Variants in MYCBP2 observed in about 807,000 individuals in gnomAD.
MYCBP2 encodes MYC binding protein 2, also known as E3 ubiquitin-protein ligase MYCBP2.
In MYCBP2, 120 loss-of-function variants were observed where a neutral mutation model predicts 525.3. The ratio of observed to expected loss-of-function variants is 0.23; its 90% CI spans 0.20 to 0.27. MYCBP2 has a LOEUF of 0.27. Among genes scored for constraint, MYCBP2 ranks in the 10% least tolerant of loss-of-function variants. MYCBP2 has a pLI of 1.00. For missense variants in MYCBP2, 4,149 were observed against 5,657.1 expected (o/e 0.73, Z 8.55); for synonymous variants, 1,894 against 1,955.8 (o/e 0.97, Z 0.83).
intron 1 of MYCBP2, among the ~76,000 whole-genome samples, chr13:77,312,023 G>A (rs1267505499): frequency 1.3e-5 from 2 of 152,036 alleles, no homozygotes; most frequent in African/African-American, 4.8e-5. Context: ...ACCACACAGA[G>A]GGGAATAAGG....
intron 1 of MYCBP2, among the ~76,000 whole-genome samples, chr13:77,301,422 CAAAAAAAAAAA>C (rs11338423): frequency 0.067 from 2,713 of 40,562 alleles, 52 homozygotes; most frequent in Middle Eastern, 0.26. Context: ...GACTCCATCT[CAAAAAAAAAAA>C]AAAAAAAAAA....
chr13:77,224,138 T>C (rs1221660665), intron 20 of MYCBP2, among the ~76,000 whole-genome samples: 2 of 152,216 alleles, frequency 1.3e-5, no homozygotes, highest in Non-Finnish European at 2.9e-5. Context: ...ATTTTTCTAT[T>C]GCCATGCACA....
intron 56 of MYCBP2, 61 bp from the exon 57 acceptor site, chr13:77,096,542 T>C: frequency 6.5e-7 from 1 of 1,534,482 alleles, no homozygotes. Flanking sequence ...GTTTGATCCT[T>C]ATTACTCATA....
chr13:77,204,961 G>T (rs1593864316), intron 26 of MYCBP2, among the ~76,000 whole-genome samples: 1 of 150,912 alleles, frequency 6.6e-6, no homozygotes, highest in Non-Finnish European at 1.5e-5. Flanking sequence ...TGACAAGTTC[G>T]TGGGTGCAGC....
At chr13:77,289,903 G>GA (rs1465319098) in intron 2 of MYCBP2, among the ~76,000 whole-genome samples, 2 of 152,024 alleles carry the variant, frequency 1.3e-5, no homozygotes, top group Non-Finnish European at 2.9e-5. Context: ...ATGAACAACT[G>GA]AAAAAATGTA....
chr13:77,119,788 G>A (rs920047717), intron 55 of MYCBP2, among the ~76,000 whole-genome samples: 19 of 152,080 alleles, frequency 1.2e-4, no homozygotes, highest in Admixed American at 4.6e-4. Context: ...TCACAGGCAC[G>A]ACTATAGCAG....
At chr13:77,251,775 CA>C (rs2071253334) in intron 14 of MYCBP2, among the ~76,000 whole-genome samples, 1 of 152,202 alleles carries the variant, frequency 6.6e-6, no homozygotes, top group Admixed American at 6.5e-5. Flanking sequence ...TCATAATTTA[CA>C]AACCTCCAGT....
Position 77,288,173 on chromosome 13 carries a change from G to A in MYCBP2, c.582C>T (p.Ile194=). The A allele has an allele frequency of 6.2e-7, 1 of 1,614,036 alleles. No homozygotes were observed. The highest frequency in any genetic ancestry group is 1.1e-5 in the South Asian group (1 of 91,072). ...CTCAGTGGCTTACCTTTGGAAGCTT[G>A]ATAGGGGGCTCTTTGGATTCCTCTT... ...DEEEESKEPP[I]KLPKIIEVGL... is the part of the protein sequence containing the mutation. The change falls in exon 3 of 83, where the codon ATC becomes ATT. Residue 194 remains isoleucine, a synonymous_variant. Transcript: ENST00000544440.
chr13:77,084,760 G>A (rs1468315737), intron 62 of MYCBP2, among the ~76,000 whole-genome samples: 2 of 152,068 alleles, frequency 1.3e-5, no homozygotes, highest in African/African-American at 4.8e-5. Flanking sequence ...TCCACTGCTA[G>A]ATCCTCCAGA....
Position 77,098,390 on chromosome 13 carries a change from G to A in MYCBP2, c.8764C>T (p.His2922Tyr). ...CTGTGGAGGTTTTCCTGTACCACAT[G>A]GGGAGAGGGAGCTCTATTTTCAGAT... ...PGSENRAPSP[H>Y]VVQENLHSEV... The change falls in exon 56 of 83, where the codon CAT (histidine) becomes TAT (tyrosine). Residue 2922 changes from histidine to tyrosine, a missense_variant. Physicochemically the swap from His to Tyr is moderately conservative, Grantham distance 83. Transcript: ENST00000544440. The A allele has an allele frequency of 6.2e-7, 1 of 1,613,540 alleles. No homozygotes were observed.
At chr13:77,171,710 A>G (rs969741490) in intron 37 of MYCBP2, 76 bp from the exon 38 acceptor site, 5 of 1,360,632 alleles carry the variant, frequency 3.7e-6, no homozygotes, top group Non-Finnish European at 5.1e-6. Flanking sequence ...TCATATCTAG[A>G]TCTGAGATCC....
rs180925258 is a variant in MYCBP2, at chr13:77,148,440, C to A, written c.7132-2223G>T. Among the ~76,000 whole-genome samples, 564 of 152,044 alleles carry A rather than the reference C, an allele frequency of 3.7e-3. 2 individuals are homozygous for A. The highest frequency in any genetic ancestry group is 0.012 in the African/African-American group (486 of 41,510). On this transcript the variant is annotated intron_variant, in intron 47 of 82. Coordinates refer to ENST00000544440, the MANE Select transcript of MYCBP2 (RefSeq NM_015057.5). Reference sequence around the variant, plus strand: ...TGTCTCTGAAATCAAAATAAAATGGCCTGTTCAGTTTTTTACCTCAATAAC... The same window carrying A: ...TGTCTCTGAAATCAAAATAAAATGGACTGTTCAGTTTTTTACCTCAATAAC...
intron 23 of MYCBP2, among the ~76,000 whole-genome samples, chr13:77,209,183 T>A (rs900075343): frequency 6.6e-6 from 1 of 152,168 alleles, no homozygotes; most frequent in Admixed American, 6.5e-5. Context: ...GCATTTGAGA[T>A]CATCTGTCCC....
Position 77,051,019 on chromosome 13 carries a change from T to C in MYCBP2, c.13899A>G (p.Glu4633=), listed in dbSNP as rs753360647. ...TACCTGCAGGACAGTGTGGTAGTTC[T>C]TCCTTAGGAATGCTAGTCATTCTTT... is the stretch of plus-strand genomic sequence containing the variant. ...DFQRMTSIPK[E]ELPHCPAGPK... is the part of the protein sequence containing the mutation. Residue 4633 remains glutamate, a synonymous_variant, in exon 82 of 83, where the codon GAA becomes GAG. Transcript: ENST00000544440. 1.2e-6 allele frequency: 2 copies of C among 1,613,094 alleles called. No homozygotes were observed. The highest frequency in any genetic ancestry group is 1.1e-5 in the South Asian group (1 of 90,966).
rs61749893 is a variant in MYCBP2, at chr13:77,260,492, A to C, written c.1953T>G (p.Ser651=). 0.021 allele frequency: 34,542 copies of C among 1,610,340 alleles called. 551 individuals carry two copies. Among genetic ancestry groups the C allele is most frequent in the Middle Eastern group, 0.054 (324 of 6,048 alleles). The change falls in exon 13 of 83, where the codon TCT becomes TCG. Residue 651 remains serine (S), a synonymous_variant. Coordinates refer to ENST00000544440, the MANE Select transcript of MYCBP2 (RefSeq NM_015057.5). ...VYTACNNGSS[S]VISKDGELYM... is the part of the protein sequence containing the mutation. ...AGAGTTCTCCATCTTTAGAAATAACAGAACTACTTCCATTATTGCAGGCTG... is the reference window on the plus strand; with the variant it reads ...AGAGTTCTCCATCTTTAGAAATAACCGAACTACTTCCATTATTGCAGGCTG...
At chr13:77,175,788 C>T (rs556568646) in intron 36 of MYCBP2, among the ~76,000 whole-genome samples, 4 of 151,672 alleles carry the variant, frequency 2.6e-5, no homozygotes, top group Admixed American at 1.3e-4. Flanking sequence ...CAGTGAAACC[C>T]CTCTACTAAA....
Position 77,044,902 on chromosome 13 carries a change from T to TG in MYCBP2, c.*475_*476insC. 4.4e-6 allele frequency: 1 copy of TG among 226,666 alleles called. No individual in the cohort carries two copies. Among genetic ancestry groups the TG allele is most frequent in the Non-Finnish European group, 8.4e-6 (1 of 118,412 alleles). 14.0% of individuals were successfully genotyped at this position (226,666 alleles called of 1,614,324 possible). ...ATTTATATGCTGTCCTAACACAATG[T>TG]TTTTTTTTTTTTTAAATAACAGTCT... On this transcript the variant is annotated 3_prime_UTR_variant, in exon 83 of 83. Coordinates refer to ENST00000544440, the MANE Select transcript of MYCBP2 (RefSeq NM_015057.5).
intron 2 of MYCBP2, among the ~76,000 whole-genome samples, chr13:77,292,339 C>T (rs182717911): frequency 5.9e-5 from 9 of 152,170 alleles, no homozygotes; most frequent in Non-Finnish European, 1.2e-4. Context: ...ATTTATGAGT[C>T]CTTCTGGCAA....
At chr13:77,186,963 C>T (rs2060788172) in intron 30 of MYCBP2, among the ~76,000 whole-genome samples, 1 of 151,912 alleles carries the variant, frequency 6.6e-6, no homozygotes, top group African/African-American at 2.4e-5. Context: ...AAGTGCGCAC[C>T]ACCATACCCA....
Sources: allele counts gnomAD v4.1 joint callset (sites outside exome capture counted in the v4.1 genomes callset), GRCh38; gene constraint gnomAD v4.1.1; transcripts MANE v1.5; gene names NCBI Gene and HGNC (gene_info 2026-07-23, HGNC 2026-07-21).